Variants in CACNB4 observed in about 807,000 individuals in gnomAD.
CACNB4 encodes voltage-dependent L-type calcium channel subunit beta-4.
A neutral mutation model predicts 71.2 loss-of-function variants in CACNB4; 32 were observed. The observed-to-expected ratio is 0.45, with a 90% CI of 0.34 to 0.60. The LOEUF (loss-of-function observed/expected upper bound fraction) is 0.60, where lower values mean the gene tolerates loss of function less well. Among genes scored for constraint, CACNB4 ranks in the 20% least tolerant of loss-of-function variants. The pLI is 0.01. For missense variants in CACNB4, 464 were observed against 647.9 expected (o/e 0.72, Z 3.08); for synonymous variants, 231 against 236.9 (o/e 0.97, Z 0.23).
chr2:151,882,602 T>G (rs1330505807), intron 3 of CACNB4, among the ~76,000 whole-genome samples: 1 of 151,986 alleles, frequency 6.6e-6, no homozygotes, highest in Non-Finnish European at 1.5e-5. Flanking sequence ...CAAAACAAAG[T>G]TGGAAGCACA....
chr2:152,056,096 C>T (rs1229625520), intron 2 of CACNB4, among the ~76,000 whole-genome samples: 1 of 152,178 alleles, frequency 6.6e-6, no homozygotes, highest in Non-Finnish European at 1.5e-5. Context: ...GGCACGGTGG[C>T]TCACCCCTGT....
At chr2:151,932,761 C>T (rs568980885) in intron 2 of CACNB4, among the ~76,000 whole-genome samples, 4 of 137,816 alleles carry the variant, frequency 2.9e-5, no homozygotes, top group Non-Finnish European at 6.1e-5. Flanking sequence ...ACCTGGGAGG[C>T]GGAGGTTGCA....
intron 2 of CACNB4, among the ~76,000 whole-genome samples, chr2:152,045,108 C>A (rs1685083003): frequency 6.6e-6 from 1 of 152,142 alleles, no homozygotes; most frequent in South Asian, 2.1e-4. Context: ...CTAGCACATA[C>A]AACTACATAA....
At chr2:152,093,950 A>G (rs1273401348) in intron 2 of CACNB4, among the ~76,000 whole-genome samples, 1 of 152,228 alleles carries the variant, frequency 6.6e-6, no homozygotes, top group East Asian at 1.9e-4. Context: ...AAATATATCA[A>G]GTTAGTTCTC....
chr2:152,031,688 C>T (rs1364979098), intron 2 of CACNB4, among the ~76,000 whole-genome samples: 1 of 152,168 alleles, frequency 6.6e-6, no homozygotes, highest in Non-Finnish European at 1.5e-5. Flanking sequence ...CATTAATCCT[C>T]GGATTTCAGA....
chr2:152,078,947 C>G (rs935856585), intron 2 of CACNB4, among the ~76,000 whole-genome samples: 2 of 152,220 alleles, frequency 1.3e-5, no homozygotes, highest in Non-Finnish European at 2.9e-5. Context: ...CACCATGTCT[C>G]TCACACCCTC....
At chr2:151,871,187 G>A in intron 6 of CACNB4, 1 of 328,956 alleles carries the variant, frequency 3.0e-6, no homozygotes. Context: ...GCTGGACACA[G>A]CACAGTGTTG....
At chr2:152,075,192 C>T (rs1686943158) in intron 2 of CACNB4, among the ~76,000 whole-genome samples, 1 of 152,214 alleles carries the variant, frequency 6.6e-6, no homozygotes, top group East Asian at 1.9e-4. Flanking sequence ...CCTTATTTCA[C>T]ATTATTACTT....
intron 12 of CACNB4, among the ~76,000 whole-genome samples, chr2:151,848,889 C>A (rs1036975453): frequency 6.6e-6 from 1 of 152,076 alleles, no homozygotes; most frequent in African/African-American, 2.4e-5. Flanking sequence ...AAAAAACATA[C>A]TATTTTCAAC....
chr2:152,072,131 T>A (rs569400622), intron 2 of CACNB4, among the ~76,000 whole-genome samples: 1 of 152,354 alleles, frequency 6.6e-6, no homozygotes, highest in Non-Finnish European at 1.5e-5. Context: ...AGTTTAGAGA[T>A]AAGAACAAGG....
intron 2 of CACNB4, among the ~76,000 whole-genome samples, chr2:152,045,324 C>T (rs1438518817): frequency 6.6e-6 from 1 of 152,108 alleles, no homozygotes. Context: ...ATACATACAA[C>T]AGAATATTAT....
At chr2:151,890,424 C>T (rs1427536472) in intron 2 of CACNB4, among the ~76,000 whole-genome samples, 2 of 152,196 alleles carry the variant, frequency 1.3e-5, no homozygotes, top group African/African-American at 4.8e-5. Context: ...ATTATTATCA[C>T]ATCAACCCTA....
intron 2 of CACNB4, among the ~76,000 whole-genome samples, chr2:151,915,847 CAAAAAAAAAAAAAA>C (rs143625402): frequency 1.2e-5 from 1 of 82,020 alleles, no homozygotes; most frequent in African/African-American, 4.5e-5. Flanking sequence ...AGCTCCATCT[CAAAAAAAAAAAAAA>C]AAAAAAAAGA....
At chr2:151,964,587 C>A (rs2099870560) in intron 2 of CACNB4, among the ~76,000 whole-genome samples, 1 of 152,076 alleles carries the variant, frequency 6.6e-6, no homozygotes, top group East Asian at 1.9e-4. Flanking sequence ...GGGGAAAAAG[C>A]TGCCAATATA....
At chr2:151,851,380 GT>G (rs1187961769) in intron 12 of CACNB4, 1 of 152,130 alleles carries the variant, frequency 6.6e-6, no homozygotes, top group Non-Finnish European at 1.5e-5. Context: ...CAGACTGCCT[GT>G]TTAAAATTCC....
chr2:151,915,647 A>G (rs1374370486), intron 2 of CACNB4, among the ~76,000 whole-genome samples: 1 of 152,174 alleles, frequency 6.6e-6, no homozygotes, highest in Non-Finnish European at 1.5e-5. Context: ...GCTCGAGACC[A>G]GCCTGGCCAA....
chr2:151,943,440 T>G (rs2099864770), intron 2 of CACNB4, among the ~76,000 whole-genome samples: 1 of 152,082 alleles, frequency 6.6e-6, no homozygotes, highest in African/African-American at 2.4e-5. Context: ...ATGGAAAATC[T>G]ATAAAGAGGT....
chr2:152,015,218 C>T (rs1172593524), intron 2 of CACNB4, among the ~76,000 whole-genome samples: 1 of 152,136 alleles, frequency 6.6e-6, no homozygotes, highest in Non-Finnish European at 1.5e-5. Flanking sequence ...CCGCAACCTC[C>T]GCCTCCAGGG....
At chr2:152,076,401 ATC>A (rs937037407) in intron 2 of CACNB4, among the ~76,000 whole-genome samples, 14 of 144,282 alleles carry the variant, frequency 9.7e-5, no homozygotes, top group Non-Finnish European at 1.3e-4. Context: ...TGACCTTGTG[ATC>A]CACCCGCCTC....
Sources: gnomAD v4.1 joint callset for allele counts (sites outside exome capture counted in the v4.1 genomes callset) on GRCh38, gnomAD v4.1.1 for gene constraint, MANE v1.5 for transcripts, NCBI Gene and HGNC (gene_info 2026-07-23, HGNC 2026-07-21) for gene names.